DSG3: variants seen among roughly 807,000 people sequenced by gnomAD.
DSG3 encodes the protein desmoglein-3.
A neutral mutation model predicts 85.9 loss-of-function variants in DSG3; 63 were observed. The observed-to-expected ratio is 0.73, with a 90% CI of 0.60 to 0.90. The LOEUF (loss-of-function observed/expected upper bound fraction) is 0.90, where lower values mean the gene tolerates loss of function less well. Among genes scored for constraint, DSG3 ranks in the 40% least tolerant of loss-of-function variants. The pLI is 0.00. For synonymous variants in DSG3, 447 were observed against 441.9 expected (o/e 1.01, Z -0.14); for missense variants, 1,220 against 1,219.9 (o/e 1.00, Z 0.00).
rs769246997 is a variant in DSG3 at position 31,469,095 on chromosome 18, C to T, written c.1643C>T (p.Ser548Leu). The T allele has an allele frequency of 8.1e-6, 13 of 1,613,050 alleles. No individual in the cohort carries two copies. The East Asian group carries it at 1.6e-4, about 19-fold the overall frequency. Residue 548 changes from serine to leucine, a missense_variant, in exon 12 of 16, where the codon TCG becomes TTG. Ser to Leu is a moderately radical substitution (Grantham distance 145). Coordinates refer to ENST00000257189, the MANE Select transcript of DSG3 (RefSeq NM_001944.3). The stretch of plus-strand genomic sequence containing the variant: ...CATGATTCTTTCTCTACAGCTACCT[C>T]GGCCCTCCTCAGAGCCCAGGAACAG... ...VWSITTLNAT[S>L]ALLRAQEQIP... is the part of the protein sequence containing the mutation.
intron 8 of DSG3, among the ~76,000 whole-genome samples, chr18:31,462,015 G>A (rs775767247): frequency 2.0e-5 from 3 of 151,848 alleles, no homozygotes; most frequent in South Asian, 2.1e-4. Context: ...TTGGTTTTTC[G>A]TTTGGTTGGT....
At position 31,476,436 on chromosome 18, in the gene DSG3, T is replaced by C. The variant is rs138256538; in HGVS notation, c.*176T>C. On this transcript the variant is annotated 3_prime_UTR_variant, in exon 16 of 16. Coordinates refer to ENST00000257189, the MANE Select transcript of DSG3 (RefSeq NM_001944.3). Reference sequence around the variant, plus strand: ...GGGTTCATACCCCAAAAGCAATATGTTGTCACTCCTAATTCTCAAGTACTA... The same window carrying C: ...GGGTTCATACCCCAAAAGCAATATGCTGTCACTCCTAATTCTCAAGTACTA... The C allele has an allele frequency of 8.1e-4, 502 of 620,636 alleles. 5 individuals are homozygous for C. The African/African-American group carries it at 8.5e-3, about 10-fold the overall frequency. 38.4% of individuals were successfully genotyped at this position (620,636 alleles called of 1,614,324 possible). A position where few individuals can be genotyped will look rare whatever the true frequency, so the allele number is the denominator to read the frequency against.
In DSG3 at chr18:31,469,354, G is replaced by T. The variant is rs769817387; in HGVS notation, c.1897+5G>T. The T allele has an allele frequency of 2.5e-6, 4 of 1,612,204 alleles. No homozygotes were observed. The highest frequency in any genetic ancestry group is 3.4e-6 in the Non-Finnish European group (4 of 1,179,866). The stretch of plus-strand genomic sequence containing the variant: ...TTGGTCTCCTGCTGCTGCTGTGTGA[G>T]TAGCCAATGTTTCATTCTCTGTTGG... On this transcript the variant is annotated splice_donor_5th_base_variant and intron_variant, in intron 12 of 15. Coordinates refer to ENST00000257189, the MANE Select transcript of DSG3 (RefSeq NM_001944.3).
At chr18:31,451,714 G>T (rs574549876) in intron 1 of DSG3, among the ~76,000 whole-genome samples, 1 of 152,280 alleles carries the variant, frequency 6.6e-6, no homozygotes, top group East Asian at 1.9e-4. Context: ...GGTTCTTCCA[G>T]CCCTGCCTAC....
At position 31,472,779 on chromosome 18, in the gene DSG3, G is replaced by A. The variant is rs952873079; in HGVS notation, c.2092G>A (p.Glu698Lys). ...AACAGCCAATGGAGCCGATTTCATGGAAAGTTCTGGTAAGTGGACATAAAA... is the reference window on the plus strand; with the variant it reads ...AACAGCCAATGGAGCCGATTTCATGAAAAGTTCTGGTAAGTGGACATAAAA... ...PVTANGADFMESSEVCTNTYA... is the reference protein window; with the variant it reads ...PVTANGADFMKSSEVCTNTYA... The change falls in exon 14 of 16, where the codon GAA becomes AAA. Residue 698 changes from glutamate (E) to lysine (K), a missense_variant. Transcript: ENST00000257189. 3 of 1,613,990 alleles carry A rather than the reference G, an allele frequency of 1.9e-6. No homozygotes were observed. The highest frequency in any genetic ancestry group is 1.3e-5 in the African/African-American group (1 of 75,046).
rs1367141532 is a variant in DSG3, at chr18:31,458,598, C to G, written c.370C>G (p.Leu124Val). 1 of 1,612,420 alleles carries G rather than the reference C, an allele frequency of 6.2e-7. No individual in the cohort carries two copies. The highest frequency in any genetic ancestry group is 8.5e-7 in the Non-Finnish European group (1 of 1,179,018). The stretch of plus-strand genomic sequence containing the variant: ...CGACCGGGAGGAAACTCCAAGCTTC[C>G]TGGTAAGTTTGGGTCCTCAACATTG... ...IVDREETPSF[L>V]ITCRALNAQG... is the part of the protein sequence containing the mutation. The change falls in exon 4 of 16, where the codon CTG becomes GTG. Residue 124 changes from leucine (L) to valine (V), a missense_variant and splice_region_variant. By Grantham distance (32) the Leu-to-Val change is conservative (BLOSUM62 1). Transcript: ENST00000257189.
chr18:31,447,913 G>A lies in DSG3; in HGVS notation c.36G>A (p.Leu12=). The A allele has an allele frequency of 6.3e-7, 1 of 1,584,466 alleles. No homozygotes were observed. The change falls in exon 1 of 16, where the codon CTG becomes CTA. Residue 12 remains leucine, a synonymous_variant. Transcript: ENST00000257189. ...MGLFPRTTGA[L]AIFVVVILVH... is the part of the protein sequence containing the mutation. ...TCTTCCCCAGAACTACAGGGGCTCT[G>A]GCCATCTTCGTGGTAAGTCCTGGAT...
intron 8 of DSG3, among the ~76,000 whole-genome samples, chr18:31,463,152 T>C (rs1281530519): frequency 2.6e-5 from 4 of 152,188 alleles, no homozygotes; most frequent in Non-Finnish European, 5.9e-5. Flanking sequence ...CCGGCATCCT[T>C]CAACACTCAG....
Position 31,474,190 on chromosome 18 carries a change from A to AT in DSG3, c.2171_2172insT (p.Lys724AsnfsTer7). 6.2e-7 allele frequency: 1 copy of AT among 1,614,202 alleles called. No homozygotes were observed. The highest frequency in any genetic ancestry group is 8.5e-7 in the Non-Finnish European group (1 of 1,180,034). The stretch of plus-strand genomic sequence containing the variant: ...ACTTCAGGAATGGAAATGACCACTA[A>AT]GCTTGGAGCAGCCACTGAATCTGGA... On this transcript the variant is annotated frameshift_variant, in exon 15 of 16. Transcript: ENST00000257189. LOFTEE classifies it high-confidence loss of function.
At chr18:31,455,574 T>G (rs993942315) in intron 1 of DSG3, among the ~76,000 whole-genome samples, 3 of 152,182 alleles carry the variant, frequency 2.0e-5, no homozygotes, top group Non-Finnish European at 4.4e-5. Flanking sequence ...GAGACATCAG[T>G]AAAGACAATT....
At chr18:31,449,665 A>T (rs1440749656) in intron 1 of DSG3, among the ~76,000 whole-genome samples, 1 of 151,894 alleles carries the variant, frequency 6.6e-6, no homozygotes, top group Non-Finnish European at 1.5e-5. Context: ...AAACTAAAAA[A>T]CCCCCGCACA....
chr18:31,466,536 C>T lies in DSG3; in HGVS notation c.1418C>T (p.Thr473Met), dbSNP rs200551780. 21 of 1,613,538 alleles carry T rather than the reference C, an allele frequency of 1.3e-5. No individual in the cohort carries two copies. The highest frequency in any genetic ancestry group is 1.2e-4 in the South Asian group (11 of 91,056). Residue 473 changes from threonine to methionine, a missense_variant, in exon 11 of 16, where the codon ACG becomes ATG. Coordinates refer to ENST00000257189, the MANE Select transcript of DSG3 (RefSeq NM_001944.3). The part of the protein sequence containing the change: ...TAEVLAIDEY[T>M]GKTSTGTVYV... ...TAAAACATTGTTCTTACAGAATACACGGGTAAAACTTCTACAGGCACGGTA... is the reference window on the plus strand; with the variant it reads ...TAAAACATTGTTCTTACAGAATACATGGGTAAAACTTCTACAGGCACGGTA...
chr18:31,466,563 A>G lies in DSG3; in HGVS notation c.1445A>G (p.Tyr482Cys). Reference sequence around the variant, plus strand: ...GGTAAAACTTCTACAGGCACGGTATATGTTAGAGTACCCGATTTCAATGAC... The same window carrying G: ...GGTAAAACTTCTACAGGCACGGTATGTGTTAGAGTACCCGATTTCAATGAC... Reference protein sequence around the residue: ...YTGKTSTGTVYVRVPDFNDNC... With the variant: ...YTGKTSTGTVCVRVPDFNDNC... Residue 482 changes from tyrosine (Y) to cysteine (C), a missense_variant, in exon 11 of 16, where the codon TAT becomes TGT. Transcript: ENST00000257189. The G allele has an allele frequency of 2.5e-6, 4 of 1,614,244 alleles. 1 individual carries two copies. The highest frequency in any genetic ancestry group is 2.2e-5 in the South Asian group (2 of 91,088).
chr18:31,450,453 G>A (rs1043497342), intron 1 of DSG3, among the ~76,000 whole-genome samples: 1 of 152,184 alleles, frequency 6.6e-6, no homozygotes, highest in African/African-American at 2.4e-5. Context: ...CAAGTGGGGA[G>A]CCACCCAGAG....
At chr18:31,459,764 G>A (rs2072771962) in intron 5 of DSG3, 81 bp from the exon 6 acceptor site, 1 of 1,352,362 alleles carries the variant, frequency 7.4e-7, no homozygotes, top group East Asian at 2.4e-5. Flanking sequence ...TAGCATCAAT[G>A]TGAACTTGTT....
rs533915738 is a variant in DSG3, at chr18:31,464,376, A to G, written c.1265A>G (p.Asn422Ser). Residue 422 changes from asparagine to serine, a missense_variant, in exon 9 of 16, where the codon AAT (asparagine) becomes AGT (serine). Physicochemically the swap from Asn to Ser is conservative, Grantham distance 46. Coordinates refer to ENST00000257189, the MANE Select transcript of DSG3 (RefSeq NM_001944.3). ...IDEDTNKAAS[N>S]VKYVMGRNDG... is the part of the protein sequence containing the mutation. ...GAGGACACTAACAAAGCTGCCTCAA[A>G]TGTCAAGTAAGACTATTTTTATTTA... 6.2e-7 allele frequency: 1 copy of G among 1,606,116 alleles called. No individual in the cohort carries two copies. Among genetic ancestry groups the G allele is most frequent in the African/African-American group, 1.3e-5 (1 of 74,698 alleles).
At chr18:31,465,217 T>C (rs1257785091) in intron 9 of DSG3, 101 bp from the exon 10 acceptor site, 1 of 774,606 alleles carries the variant, frequency 1.3e-6, no homozygotes, top group Admixed American at 4.2e-5. Flanking sequence ...TGTGAACATA[T>C]ATTAAATATG....
In DSG3 at chr18:31,464,158, C is replaced by T. The variant is rs776681686; in HGVS notation, c.1047C>T (p.Val349=). The part of the protein sequence containing the change: ...QLQSVKLSIA[V]KNKAEFHQSV... The stretch of plus-strand genomic sequence containing the variant: ...AAAGCGTGAAACTTAGTATTGCTGT[C>T]AAAAACAAAGCTGAATTTCACCAAT... The change falls in exon 9 of 16, where the codon GTC becomes GTT. Residue 349 remains valine (V), a synonymous_variant. Transcript: ENST00000257189. 1.2e-6 allele frequency: 2 copies of T among 1,614,016 alleles called. No individual in the cohort carries two copies. Among genetic ancestry groups the T allele is most frequent in the Non-Finnish European group, 1.7e-6 (2 of 1,179,978 alleles).
At chr18:31,451,621 CA>C (rs2072712231) in intron 1 of DSG3, among the ~76,000 whole-genome samples, 1 of 152,292 alleles carries the variant, frequency 6.6e-6, no homozygotes, top group African/African-American at 2.4e-5. Flanking sequence ...CAGTTTCCAG[CA>C]CTGCTAATAT....
Sources: gnomAD v4.1 joint callset for allele counts (sites outside exome capture counted in the v4.1 genomes callset) on GRCh38, gnomAD v4.1.1 for gene constraint, MANE v1.5 for transcripts, NCBI Gene and HGNC (gene_info 2026-07-23, HGNC 2026-07-21) for gene names.